MDGA2: variants seen among roughly 807,000 people sequenced by gnomAD.
The protein encoded by MDGA2 is MAM domain containing glycosylphosphatidylinositol anchor 2.
MDGA2 carries 40 observed loss-of-function variants against 117.8 expected under a neutral mutation model. The ratio of observed to expected loss-of-function variants is 0.34; its 90% confidence interval spans 0.26 to 0.44. The LOEUF is 0.44. Ranked by LOEUF, MDGA2 falls within the 20% of genes least tolerant of loss-of-function variation. The pLI, the probability that MDGA2 is intolerant of heterozygous loss-of-function variation, is 1.00. For missense variants in MDGA2, 1,123 were observed against 1,250.6 expected (o/e 0.90, Z 1.54); for synonymous variants, 452 against 439.0 (o/e 1.03, Z -0.37).
chr14:46,921,708 G>C (rs955100586), intron 9 of MDGA2, among the ~76,000 whole-genome samples: 3 of 152,034 alleles, frequency 2.0e-5, no homozygotes, highest in Non-Finnish European at 4.4e-5. Flanking sequence ...AAACATTCTT[G>C]ATAATTTGTA....
chr14:46,841,775 C>A lies in MDGA2; in HGVS notation c.*156G>T. ...TATACTTCCATGATGTCTTTTTATC[C>A]CCAGTGCTTAAAAAAATTTGTTTTT... is the stretch of plus-strand genomic sequence containing the variant. On this transcript the variant is annotated 3_prime_UTR_variant, in exon 17 of 17. Coordinates refer to ENST00000399232, the MANE Select transcript of MDGA2 (RefSeq NM_001113498.3). 3.9e-6 allele frequency: 2 copies of A among 507,806 alleles called. No individual in the cohort carries two copies. The highest frequency in any genetic ancestry group is 6.2e-5 in the East Asian group (2 of 32,120). 31.5% of individuals were successfully genotyped at this position (507,806 alleles called of 1,614,324 possible).
At chr14:47,476,598 T>C (rs1053326415) in intron 1 of MDGA2, among the ~76,000 whole-genome samples, 1 of 152,064 alleles carries the variant, frequency 6.6e-6, no homozygotes. Flanking sequence ...TTTATATAAA[T>C]TTGTGCCTAG....
chr14:46,956,946 T>C (rs544998970), intron 9 of MDGA2, among the ~76,000 whole-genome samples: 1 of 152,262 alleles, frequency 6.6e-6, no homozygotes, highest in Non-Finnish European at 1.5e-5. Context: ...GCTGCCACCA[T>C]GTGAAGTAGG....
intron 3 of MDGA2, among the ~76,000 whole-genome samples, chr14:47,161,091 C>G (rs940006807): frequency 6.6e-6 from 1 of 151,824 alleles, no homozygotes; most frequent in Non-Finnish European, 1.5e-5. Flanking sequence ...TTAAAATAAC[C>G]AGATTTGCAT....
intron 3 of MDGA2, among the ~76,000 whole-genome samples, chr14:47,198,052 G>T (rs1184351657): frequency 7.0e-6 from 1 of 142,570 alleles, no homozygotes; most frequent in Non-Finnish European, 1.5e-5. Flanking sequence ...AGTAAAAAAT[G>T]TATTTTTTTT....
chr14:47,256,353 C>T (rs868025995), intron 2 of MDGA2, among the ~76,000 whole-genome samples: 3 of 152,254 alleles, frequency 2.0e-5, no homozygotes, highest in Middle Eastern at 3.4e-3. Context: ...CTTTCCGTCA[C>T]TTTCCTTCCA....
chr14:47,047,304 C>A (rs1054679243), intron 7 of MDGA2, among the ~76,000 whole-genome samples: 2 of 151,944 alleles, frequency 1.3e-5, no homozygotes, highest in Non-Finnish European at 2.9e-5. Context: ...AGCTGTGTAA[C>A]CTTGGCAAAG....
At chr14:47,544,003 C>T (rs1274800846) in intron 1 of MDGA2, among the ~76,000 whole-genome samples, 1 of 152,126 alleles carries the variant, frequency 6.6e-6, no homozygotes, top group Non-Finnish European at 1.5e-5. Context: ...AAACATTTAG[C>T]CAAACTTCTT....
chr14:47,284,514 C>T (rs1888605305), intron 2 of MDGA2, among the ~76,000 whole-genome samples: 1 of 151,996 alleles, frequency 6.6e-6, no homozygotes, highest in Non-Finnish European at 1.5e-5. Flanking sequence ...CTTCAGGTAC[C>T]CCAGCCGAAA....
chr14:47,411,959 G>C (rs1169844576), intron 1 of MDGA2, among the ~76,000 whole-genome samples: 1 of 152,220 alleles, frequency 6.6e-6, no homozygotes, highest in East Asian at 1.9e-4. Context: ...CTTACTAGGA[G>C]TACTGCTGTC....
chr14:47,543,195 G>A (rs1372749802), intron 1 of MDGA2, among the ~76,000 whole-genome samples: 2 of 152,052 alleles, frequency 1.3e-5, no homozygotes, highest in South Asian at 2.1e-4. Context: ...AGGTAACACA[G>A]TAAGACCCTG....
intron 4 of MDGA2, among the ~76,000 whole-genome samples, chr14:47,142,192 C>T (rs965761577): frequency 2.0e-5 from 3 of 152,054 alleles, no homozygotes; most frequent in Non-Finnish European, 4.4e-5. Context: ...ACCTGTAATC[C>T]CAGCACATTG....
intron 11 of MDGA2, among the ~76,000 whole-genome samples, chr14:46,880,744 G>A (rs1882414503): frequency 1.3e-5 from 2 of 148,510 alleles, no homozygotes; most frequent in African/African-American, 2.5e-5. Flanking sequence ...GGAGGTTGCG[G>A]TGAGCCAAGA....
chr14:47,580,557 CA>C (rs1896211384), intron 1 of MDGA2, among the ~76,000 whole-genome samples: 1 of 151,824 alleles, frequency 6.6e-6, no homozygotes, highest in Non-Finnish European at 1.5e-5. Flanking sequence ...GCTCTATCAA[CA>C]GAAGATCTGA....
chr14:47,227,153 T>C (rs1886533556), intron 2 of MDGA2, among the ~76,000 whole-genome samples: 1 of 152,134 alleles, frequency 6.6e-6, no homozygotes, highest in Admixed American at 6.6e-5. Flanking sequence ...TAGAGCCCTT[T>C]ACCCTTCCTA....
At chr14:47,155,753 A>T (rs1199685375) in intron 3 of MDGA2, among the ~76,000 whole-genome samples, 1 of 152,150 alleles carries the variant, frequency 6.6e-6, no homozygotes, top group Non-Finnish European at 1.5e-5. Flanking sequence ...AAACAAACCC[A>T]GTGAAACTGA....
At chr14:47,648,908 G>A (rs369044668) in intron 1 of MDGA2, among the ~76,000 whole-genome samples, 1 of 152,052 alleles carries the variant, frequency 6.6e-6, no homozygotes, top group East Asian at 1.9e-4. Flanking sequence ...ATGGAGAAGA[G>A]ATAATACATT....
intron 2 of MDGA2, among the ~76,000 whole-genome samples, chr14:47,262,155 A>G (rs887937547): frequency 1.3e-5 from 2 of 152,164 alleles, no homozygotes; most frequent in African/African-American, 4.8e-5. Context: ...ACTTTTTCAA[A>G]TCAGAAAGAA....
chr14:47,498,545 G>A (rs1894329936), intron 1 of MDGA2, among the ~76,000 whole-genome samples: 1 of 151,966 alleles, frequency 6.6e-6, no homozygotes, highest in Admixed American at 6.5e-5. Flanking sequence ...ATCATTATAG[G>A]TACAAGAGAA....
Sources: gnomAD v4.1 joint callset for allele counts (sites outside exome capture counted in the v4.1 genomes callset) on GRCh38, gnomAD v4.1.1 for gene constraint, MANE v1.5 for transcripts, NCBI Gene and HGNC (gene_info 2026-07-23, HGNC 2026-07-21) for gene names.